Variants in CCDC57 observed in about 807,000 individuals in gnomAD.
CCDC57 encodes the protein coiled-coil domain-containing protein 57.
Under a neutral mutation model 118.9 loss-of-function variants are expected in CCDC57, and 118 were observed. The observed-to-expected ratio is 0.99, with a 90% CI of 0.86 to 1.16. The LOEUF (loss-of-function observed/expected upper bound fraction) is 1.16, where lower values mean the gene tolerates loss of function less well. Among genes scored for constraint, CCDC57 ranks in the 50% most tolerant of loss-of-function variants. The pLI is 0.00. For missense variants in CCDC57, 1,300 were observed against 1,320.7 expected (o/e 0.98, Z 0.24); for synonymous variants, 527 against 532.9 (o/e 0.99, Z 0.15).
intron 16 of CCDC57, among the ~76,000 whole-genome samples, chr17:82,134,622 C>T (rs1328525044): frequency 6.6e-6 from 1 of 151,998 alleles, no homozygotes. Flanking sequence ...GGTGAAACTC[C>T]GTCTCTACTA....
intron 19 of CCDC57, among the ~76,000 whole-genome samples, chr17:82,117,438 C>T (rs747111453): frequency 6.6e-6 from 1 of 152,142 alleles, no homozygotes; most frequent in Non-Finnish European, 1.5e-5. Flanking sequence ...CCCAGGAGTT[C>T]GAGACCAGCC....
intron 19 of CCDC57, among the ~76,000 whole-genome samples, chr17:82,120,774 G>C (rs1436937715): frequency 1.3e-5 from 2 of 149,008 alleles, no homozygotes; most frequent in African/African-American, 4.9e-5. Context: ...TTTTTTTTTT[G>C]AGATGGAGTC....
rs966768133 is a variant in CCDC57 at position 82,172,281 on chromosome 17, T to A, written c.1729+357A>T. 6.6e-6 allele frequency among the ~76,000 whole-genome samples: 1 copy of A among 152,152 alleles called. No individual in the cohort carries two copies. Among genetic ancestry groups the A allele is most frequent in the Admixed American group, 6.5e-5 (1 of 15,284 alleles). ...CCCTCATCAGCTCTGCCACAGACGC[T>A]CCTCTGGAGGAAAGGACTGAGGTCC... On this transcript the variant is annotated intron_variant, in intron 12 of 19. Transcript: ENST00000665763. The surrounding 1 kb of genome is among the most constrained non-coding windows in gnomAD (Gnocchi z 5.2).
chr17:82,104,947 CAA>C (rs1216487186), intron 19 of CCDC57: 1 of 152,276 alleles, frequency 6.6e-6, no homozygotes. Flanking sequence ...ACTCTGAGCA[CAA>C]AGAGGACGGA....
chr17:82,178,599 C>A, exon 11 of CCDC57: 1 of 1,611,932 alleles, frequency 6.2e-7, no homozygotes. Context: ...TGCAGCTTGG[C>A]AGCAACCTGG....
At chr17:82,112,245 AT>A (rs2035318868) in intron 19 of CCDC57, 1 of 152,338 alleles carries the variant, frequency 6.6e-6, no homozygotes, top group African/African-American at 2.4e-5. Flanking sequence ...AAGTTCTGGG[AT>A]TACAGGCGTG....
intron 16 of CCDC57, among the ~76,000 whole-genome samples, chr17:82,144,540 T>C (rs2040455301): frequency 6.6e-6 from 1 of 152,108 alleles, no homozygotes; most frequent in Non-Finnish European, 1.5e-5. Context: ...TAAAGCCTTG[T>C]GTCCGATCAA....
intron 10 of CCDC57, 73 bp from the exon 10 acceptor site, chr17:82,178,678 G>C: frequency 6.4e-7 from 1 of 1,561,820 alleles, no homozygotes; most frequent in Non-Finnish European, 8.6e-7. Context: ...GGCTCCAATG[G>C]CACACATAGG....
intron 19 of CCDC57, among the ~76,000 whole-genome samples, chr17:82,121,721 C>T (rs559341594): frequency 5.1e-4 from 78 of 152,294 alleles, no homozygotes; most frequent in African/African-American, 1.6e-3. Flanking sequence ...CCTCAGTCAG[C>T]GCGTCCTGCC....
exon 20 of CCDC57, chr17:82,101,837 T>G: frequency 6.3e-7 from 1 of 1,581,162 alleles, no homozygotes; most frequent in East Asian, 2.3e-5. Context: ...TTGACGGGCC[T>G]CCTGTCGGCT....
intron 14 of CCDC57, 127 bp downstream of exon 13, chr17:82,163,073 A>T: frequency 8.7e-7 from 1 of 1,152,942 alleles, no homozygotes; most frequent in Non-Finnish European, 1.2e-6. Flanking sequence ...AGAAAAAAAC[A>T]GGCAGAGAGA....
chr17:82,194,599 C>T (rs1050179057), intron 5 of CCDC57, among the ~76,000 whole-genome samples: 9 of 152,108 alleles, frequency 5.9e-5, no homozygotes, highest in Admixed American at 1.3e-4. Context: ...TGTGAGCCAC[C>T]GTGCCCGGCC....
rs115593154 is a variant in CCDC57, at chr17:82,117,049, C to T, written c.2899+10643G>A. Among the ~76,000 whole-genome samples, 687 of 152,314 alleles carry T rather than the reference C, an allele frequency of 4.5e-3. 5 individuals are homozygous for T. Among genetic ancestry groups the T allele is most frequent in the African/African-American group, 0.016 (646 of 41,570 alleles). On this transcript the variant is annotated intron_variant, in intron 19 of 19. Coordinates refer to ENST00000665763, the Ensembl canonical transcript of CCDC57. ...AATTGATAGGAAAAATGACCAACCT[C>T]ATCATTTAAAAATGGCGAATTGGGC...
At chr17:82,145,014 C>CT (rs557078740) in intron 16 of CCDC57, among the ~76,000 whole-genome samples, 12 of 130,926 alleles carry the variant, frequency 9.2e-5, no homozygotes, top group Admixed American at 2.7e-4. Flanking sequence ...TATTTCTTTT[C>CT]TTTTTTTTTT....
At chr17:82,107,390 G>GGGAGTGT in intron 19 of CCDC57, 1 of 466,512 alleles carries the variant, frequency 2.1e-6, no homozygotes. Context: ...GTGGGGAGTG[G>GGGAGTGT]CTGCCTCGAA....
intron 15 of CCDC57, chr17:82,156,566 G>A (rs1341133079): frequency 6.6e-6 from 1 of 152,302 alleles, no homozygotes; most frequent in Non-Finnish European, 1.5e-5. Context: ...TGGAGTGGCT[G>A]GACTGGGAGC....
chr17:82,173,376 AT>A (rs1409920059), intron 11 of CCDC57, among the ~76,000 whole-genome samples: 1 of 152,200 alleles, frequency 6.6e-6, no homozygotes, highest in Non-Finnish European at 1.5e-5. Flanking sequence ...AAGGCAGTGA[AT>A]ATAAACACCT....
chr17:82,103,918 C>T (rs1389922449), intron 19 of CCDC57, among the ~76,000 whole-genome samples: 4 of 152,176 alleles, frequency 2.6e-5, no homozygotes, highest in Non-Finnish European at 5.9e-5. Flanking sequence ...TTTACAGGCT[C>T]TGGTTTCTTC....
At chr17:82,147,224 G>T (rs28676462) in intron 16 of CCDC57, among the ~76,000 whole-genome samples, 1 of 148,808 alleles carries the variant, frequency 6.7e-6, no homozygotes, top group East Asian at 2.0e-4. Context: ...ATGGGTAGGT[G>T]GATGGATGGA....
Sources: allele counts gnomAD v4.1 joint callset (sites outside exome capture counted in the v4.1 genomes callset), GRCh38; gene constraint gnomAD v4.1.1; non-coding constraint Gnocchi (gnomAD v3.1); transcripts MANE v1.5; gene names NCBI Gene and HGNC (gene_info 2026-07-23, HGNC 2026-07-21).